Variants in NLRP9 observed in about 807,000 individuals in gnomAD.
NLRP9 encodes the protein NACHT, LRR and PYD domains-containing protein 9.
A neutral mutation model predicts 83.1 loss-of-function variants in NLRP9; 88 were observed. The ratio of observed to expected loss-of-function variants is 1.06; its 90% confidence interval spans 0.89 to 1.26. The LOEUF is 1.26. Among genes scored for constraint, NLRP9 ranks in the 50% most tolerant of loss-of-function variants. The pLI is 0.00. For missense variants in NLRP9, 1,308 were observed against 1,179.3 expected, an observed-to-expected ratio of 1.11 and a Z score of -1.60; for synonymous variants, 521 against 447.6, an observed-to-expected ratio of 1.16 and a Z score of -2.07.
intron 8 of NLRP9, 144 bp downstream of exon 8, chr19:55,711,656 A>C: frequency 1.1e-6 from 1 of 897,238 alleles, no homozygotes; most frequent in Non-Finnish European, 1.7e-6. Context: ...TTTATATTTT[A>C]TAGTGTCAAC....
intron 3 of NLRP9, among the ~76,000 whole-genome samples, chr19:55,729,039 T>G (rs1988483690): frequency 7.7e-6 from 1 of 129,110 alleles, no homozygotes; most frequent in Non-Finnish European, 1.6e-5. Flanking sequence ...GCTTATCTTA[T>G]TTTTCTTTTT....
At chr19:55,714,426 A>G (rs544649732) in intron 6 of NLRP9, among the ~76,000 whole-genome samples, 4 of 152,108 alleles carry the variant, frequency 2.6e-5, no homozygotes, top group Non-Finnish European at 5.9e-5. Flanking sequence ...GGGAGAGGTG[A>G]GTCACCTGCA....
chr19:55,727,504 A>G (rs1246179271), intron 3 of NLRP9, among the ~76,000 whole-genome samples: 3 of 152,176 alleles, frequency 2.0e-5, no homozygotes, highest in East Asian at 1.9e-4. Context: ...TCATTGCAAG[A>G]CCACTAACCA....
chr19:55,725,428 G>T (rs1988370980), intron 3 of NLRP9, among the ~76,000 whole-genome samples: 1 of 152,122 alleles, frequency 6.6e-6, no homozygotes, highest in Admixed American at 6.5e-5. Flanking sequence ...TCAACTTTAA[G>T]AAATGACAGA....
chr19:55,731,828 G>T (rs1410680459), intron 2 of NLRP9, among the ~76,000 whole-genome samples, 171 bp downstream of exon 2: 1 of 151,788 alleles, frequency 6.6e-6, no homozygotes, highest in Non-Finnish European at 1.5e-5. Flanking sequence ...AAAAGTTCAA[G>T]AAGTTGCAGC....
Position 55,733,192 on chromosome 19 carries a change from G to T in NLRP9, c.639C>A (p.Ile213=). Residue 213 remains isoleucine (I), a synonymous_variant, in exon 2 of 9, where the codon ATC becomes ATA. Coordinates refer to ENST00000332836, the MANE Select transcript of NLRP9 (RefSeq NM_176820.4). ...TCTCTGGCTGGGAAAAAATGTCTTC[G>T]ATCTTCTCTGAAGACTCCGGCCAGT... ...SRDWPESSEK[I]EDIFSQPERI... 6.2e-7 allele frequency: 1 copy of T among 1,613,434 alleles called. No homozygotes were observed. Among genetic ancestry groups the T allele is most frequent in the Non-Finnish European group, 8.5e-7 (1 of 1,179,576 alleles).
chr19:55,715,050 C>G lies in NLRP9; in HGVS notation c.2501+5G>C, dbSNP rs1277435375. ...GACATTGAAGCAAATCATGGCCGGT[C>G]CTACCACAGCTCCCGTATGCTGCAG... On this transcript the variant is annotated splice_donor_5th_base_variant and intron_variant, in intron 6 of 8. Transcript: ENST00000332836. 6.2e-7 allele frequency: 1 copy of G among 1,603,394 alleles called. No homozygotes were observed. The highest frequency in any genetic ancestry group is 1.3e-5 in the African/African-American group (1 of 74,586).
chr19:55,724,140 T>G lies in NLRP9; in HGVS notation c.1999A>C (p.Thr667Pro). The change falls in exon 4 of 9, where the codon ACT becomes CCT. Residue 667 changes from threonine to proline, a missense_variant. By Grantham distance (38) the Thr-to-Pro change is conservative. Transcript: ENST00000332836. ...GAATCATGTCCAAAGTACACAGAAG[T>G]AAATCTGCAAAAGATTAAAAAAAAA... ...PVCKLRKLIF[T>P]SVYFGHDSEL... 6.2e-7 allele frequency: 1 copy of G among 1,602,996 alleles called. No individual in the cohort carries two copies. The highest frequency in any genetic ancestry group is 8.5e-7 in the Non-Finnish European group (1 of 1,174,656).
At chr19:55,733,919 ATTTTTTTT>A (rs765779528) in intron 1 of NLRP9, among the ~76,000 whole-genome samples, 2 of 117,872 alleles carry the variant, frequency 1.7e-5, no homozygotes, top group Non-Finnish European at 3.4e-5. Flanking sequence ...TGTCAACCAA[ATTTTTTTT>A]TTTTTTTTTT....
intron 8 of NLRP9, chr19:55,709,257 G>A (rs1028429042): frequency 5.9e-6 from 2 of 337,472 alleles, no homozygotes; most frequent in African/African-American, 4.3e-5. Context: ...TATACAGGAT[G>A]TATCAATTAA....
At chr19:55,709,793 C>A (rs901069510) in intron 8 of NLRP9, 4 of 152,156 alleles carry the variant, frequency 2.6e-5, no homozygotes, top group African/African-American at 9.6e-5. Context: ...TACGTTGAAT[C>A]TCTGTCTCTT....
In NLRP9 at chr19:55,733,274, T is replaced by C. The variant is rs563458187; in HGVS notation, c.557A>G (p.Asn186Ser). The C allele has an allele frequency of 1.9e-6, 3 of 1,614,070 alleles. No individual in the cohort carries two copies. The highest frequency in any genetic ancestry group is 1.3e-5 in the African/African-American group (1 of 75,042). Residue 186 changes from asparagine (N) to serine (S), a missense_variant, in exon 2 of 9, where the codon AAT (asparagine) becomes AGT (serine). By Grantham distance (46) the Asn-to-Ser change is conservative (BLOSUM62 1). Transcript: ENST00000332836. ...TGCGATACCGTTCATTTCACAGACATTGAGGAAAAACACAAATGTGAACCT... is the reference window on the plus strand; with the variant it reads ...TGCGATACCGTTCATTTCACAGACACTGAGGAAAAACACAAATGTGAACCT... The part of the protein sequence containing the change: ...KDRFTFVFFL[N>S]VCEMNGIAET...
intron 2 of NLRP9, among the ~76,000 whole-genome samples, 177 bp downstream of exon 2, chr19:55,731,822 G>T (rs1228070465): frequency 6.6e-6 from 1 of 151,922 alleles, no homozygotes; most frequent in East Asian, 1.9e-4. Flanking sequence ...AATGGAAAAA[G>T]TTCAAGAAGT....
At chr19:55,712,729 G>A (rs1987790591) in intron 6 of NLRP9, 139 bp from the exon 7 acceptor site, 3 of 518,818 alleles carry the variant, frequency 5.8e-6, no homozygotes, top group Non-Finnish European at 9.8e-6. Flanking sequence ...GGGGAAGGAG[G>A]AGAGAAGAAT....
At chr19:55,713,387 T>C (rs1011649283) in intron 6 of NLRP9, among the ~76,000 whole-genome samples, 2 of 151,814 alleles carry the variant, frequency 1.3e-5, no homozygotes, top group Admixed American at 1.3e-4. Flanking sequence ...AGATACATGA[T>C]ACACATAGAT....
At chr19:55,717,306 T>G (rs1988059997) in intron 4 of NLRP9, among the ~76,000 whole-genome samples, 1 of 152,126 alleles carries the variant, frequency 6.6e-6, no homozygotes, top group Non-Finnish European at 1.5e-5. Context: ...GTGCTGGGAT[T>G]ACATGGATGA....
chr19:55,714,856 A>T (rs1323984365), intron 6 of NLRP9, among the ~76,000 whole-genome samples, 199 bp downstream of exon 6: 1 of 151,288 alleles, frequency 6.6e-6, no homozygotes, highest in South Asian at 2.1e-4. Context: ...GGTGTGGGAG[A>T]CTCCACCCTC....
At chr19:55,715,866 A>G (rs1195561646) in intron 5 of NLRP9, among the ~76,000 whole-genome samples, 1 of 152,228 alleles carries the variant, frequency 6.6e-6, no homozygotes, top group Admixed American at 6.6e-5. Flanking sequence ...GGCTTAACGG[A>G]ATGTACTGGA....
In NLRP9 at chr19:55,712,538, G is replaced by C. The variant is rs779142421; in HGVS notation, c.2554C>G (p.Leu852Val). The C allele has an allele frequency of 6.2e-7, 1 of 1,612,522 alleles. No individual in the cohort carries two copies. Among genetic ancestry groups the C allele is most frequent in the South Asian group, 1.1e-5 (1 of 91,052 alleles). ...SDSCKDIAAV[L>V]ICNGKLKTLK... ...GTCTTCAGTTTCCCATTGCAAATAA[G>C]AACAGCAGCAATGTCCTTACAGGAA... Residue 852 changes from leucine to valine, a missense_variant, in exon 7 of 9, where the codon CTT becomes GTT. Physicochemically the swap from Leu to Val is conservative, Grantham distance 32 (BLOSUM62 1). Transcript: ENST00000332836.
Sources: gnomAD v4.1 joint callset for allele counts (sites outside exome capture counted in the v4.1 genomes callset) on GRCh38, gnomAD v4.1.1 for gene constraint, MANE v1.5 for transcripts, NCBI Gene and HGNC (gene_info 2026-07-23, HGNC 2026-07-21) for gene names.